Variants in BUD23 observed in about 807,000 individuals in gnomAD.
The protein encoded by BUD23 is 18S rRNA (guanine-N(7))-methyltransferase.
A neutral mutation model predicts 47.0 loss-of-function variants in BUD23; 34 were observed. The observed-to-expected ratio is 0.72, with a 90% CI of 0.55 to 0.96. The LOEUF is 0.96. Among genes scored for constraint, BUD23 ranks in the 40% least tolerant of loss-of-function variants. BUD23 has a pLI of 0.00. For synonymous variants in BUD23, 124 were observed against 132.0 expected, an observed-to-expected ratio of 0.94 and a Z score of 0.41; for missense variants, 343 against 361.2, an observed-to-expected ratio of 0.95 and a Z score of 0.41.
At chr7:73,683,921 C>T (rs781958747) in intron 2 of BUD23, 117 bp downstream of exon 2, 1 of 1,592,622 alleles carries the variant, frequency 6.3e-7, no homozygotes, top group Admixed American at 1.8e-5. Flanking sequence ...GGGAAGGACC[C>T]GGGTGGGTGC....
At chr7:73,697,451 G>C in intron 10 of BUD23, 154 bp from the exon 11 acceptor site, 1 of 1,540,380 alleles carries the variant, frequency 6.5e-7, no homozygotes, top group Non-Finnish European at 8.7e-7. Flanking sequence ...TCCAGAGCGG[G>C]GAATTGTGTT....
intron 10 of BUD23, chr7:73,696,843 C>G (rs554932751): frequency 8.1e-4 from 125 of 154,460 alleles, no homozygotes; most frequent in African/African-American, 2.7e-3. Flanking sequence ...GGGACCTGTG[C>G]TTTGGGGCAC....
chr7:73,691,028 T>G lies in BUD23; in HGVS notation c.459+16T>G, dbSNP rs782092553. On this transcript the variant is annotated intron_variant, in intron 6 of 11. Coordinates refer to ENST00000265758, the MANE Select transcript of BUD23 (RefSeq NM_017528.5). ...TTCTGTTCTCGTGAGTATAAGATCTTCTCCCCATCTGGGTTAGCTGCCTGT... is the reference window on the plus strand; with the variant it reads ...TTCTGTTCTCGTGAGTATAAGATCTGCTCCCCATCTGGGTTAGCTGCCTGT... 8 of 1,611,242 alleles carry G rather than the reference T, an allele frequency of 5.0e-6. 1 individual carries two copies. The Admixed American group carries it at 1.3e-4, about 27-fold the overall frequency.
Position 73,693,982 on chromosome 7 carries a change from G to T in BUD23, c.643-10G>T. On this transcript the variant is annotated splice_polypyrimidine_tract_variant and intron_variant, in intron 9 of 11. Transcript: ENST00000265758. ...TCCAGGGTGACCTGAGTGCACTTTG[G>T]TTCCTGCAGGGGCTGAGTGAAAATC... 1.2e-6 allele frequency: 2 copies of T among 1,611,914 alleles called. No individual in the cohort carries two copies. Among genetic ancestry groups the T allele is most frequent in the Non-Finnish European group, 1.7e-6 (2 of 1,179,468 alleles).
At chr7:73,694,165 C>A in intron 10 of BUD23, 115 bp downstream of exon 10, 1 of 1,107,610 alleles carries the variant, frequency 9.0e-7, no homozygotes, top group Non-Finnish European at 1.3e-6. Flanking sequence ...GCAGGGACAC[C>A]AAGGTGACGG....
rs782745266 is a variant in BUD23, at chr7:73,697,874, G to A, written c.834G>A (p.Lys278=). ...PDTQYTGRKR[K]PRF is the part of the protein sequence containing the mutation. The stretch of plus-strand genomic sequence containing the variant: ...CCCAGTACACCGGCCGCAAGCGCAA[G>A]CCCCGCTTCTAAGTCACCACGCGGT... Residue 278 remains lysine, a synonymous_variant, in exon 12 of 12, where the codon AAG becomes AAA. Transcript: ENST00000265758. The A allele has an allele frequency of 1.3e-5, 21 of 1,613,928 alleles. No individual in the cohort carries two copies. The South Asian group carries it at 2.2e-4, about 17-fold the overall frequency.
Position 73,688,476 on chromosome 7 carries a change from C to A in BUD23, c.362+1381C>A, listed in dbSNP as rs373668818. On this transcript the variant is annotated intron_variant, in intron 5 of 11. Coordinates refer to ENST00000265758, the MANE Select transcript of BUD23 (RefSeq NM_017528.5). ...GAGGAGGTGGTCTTTTAGTCTCTAG[C>A]GGCCATTTTATGGGCCCCAGCCATC... Among the ~76,000 whole-genome samples the A allele has an allele frequency of 1.6e-4, 25 of 152,312 alleles. No individual in the cohort carries two copies. The East Asian group carries it at 2.9e-3, about 18-fold the overall frequency.
intron 6 of BUD23, among the ~76,000 whole-genome samples, chr7:73,692,392 A>T (rs1377600914): frequency 1.3e-5 from 2 of 152,236 alleles, no homozygotes; most frequent in African/African-American, 4.8e-5. Context: ...AAAATTTGCT[A>T]CTGTGAATTA....
At chr7:73,696,621 G>A (rs1798412007) in intron 10 of BUD23, 1 of 152,226 alleles carries the variant, frequency 6.6e-6, no homozygotes. Flanking sequence ...TACAGGGCAG[G>A]GAGGAGCTTC....
chr7:73,687,221 CT>C, intron 5 of BUD23, 126 bp downstream of exon 5: 1 of 956,046 alleles, frequency 1.0e-6, no homozygotes, highest in Non-Finnish European at 1.6e-6. Context: ...TTCAGGTGAT[CT>C]GCCCACCTCA....
At position 73,692,654 on chromosome 7, in the gene BUD23, C is replaced by T; in HGVS notation, c.510+8C>T. The stretch of plus-strand genomic sequence containing the variant: ...CCTGAGAACTCAGAGCAGGTGAGTC[C>T]CTCGGCTACTGGGTGTGCCGGGGAG... On this transcript the variant is annotated splice_region_variant and intron_variant, in intron 7 of 11. Coordinates refer to ENST00000265758, the MANE Select transcript of BUD23 (RefSeq NM_017528.5). 1 of 1,612,492 alleles carries T rather than the reference C, an allele frequency of 6.2e-7. No individual in the cohort carries two copies.
Position 73,686,682 on chromosome 7 carries a change from G to A in BUD23, c.133G>A (p.Glu45Lys). ...IQTRMAGRAL[E>K]LLYLPENKPC... ...GACCAGGATGGCTGGGCGAGCATTG[G>A]AGCTTCTTTATCTGCCAGAGAATAA... Residue 45 changes from glutamate (E) to lysine (K), a missense_variant, in exon 3 of 12, where the codon GAG becomes AAG. Transcript: ENST00000265758. The A allele has an allele frequency of 6.2e-7, 1 of 1,614,180 alleles. No homozygotes were observed. The highest frequency in any genetic ancestry group is 8.5e-7 in the Non-Finnish European group (1 of 1,180,042).
chr7:73,696,196 C>CA lies in BUD23; in HGVS notation c.702-1408dup, dbSNP rs1250319126. Reference sequence around the variant, plus strand: ...AGGCCCACAGCTGGGCACAGCCATGCATGTTCCTCACGTCCACCATAGGTT... The same window carrying CA: ...AGGCCCACAGCTGGGCACAGCCATGCAATGTTCCTCACGTCCACCATAGGTT... On this transcript the variant is annotated intron_variant, in intron 10 of 11. Transcript: ENST00000265758. 4 of 152,254 alleles carry CA rather than the reference C, an allele frequency of 2.6e-5. No individual in the cohort carries two copies. In the South Asian group the frequency reaches 6.2e-4, roughly 24 times the overall value. 9.4% of individuals were successfully genotyped at this position (152,254 alleles called of 1,614,324 possible). A position where few individuals can be genotyped will look rare whatever the true frequency, so the allele number is the denominator to read the frequency against.
intron 7 of BUD23, 21 bp downstream of exon 7, chr7:73,692,667 G>T (rs782600195): frequency 6.2e-7 from 1 of 1,609,954 alleles, no homozygotes; most frequent in South Asian, 1.1e-5. Flanking sequence ...CGGCTACTGG[G>T]TGTGCCGGGG....
At chr7:73,689,552 G>C (rs1798108361) in intron 5 of BUD23, among the ~76,000 whole-genome samples, 1 of 152,138 alleles carries the variant, frequency 6.6e-6, no homozygotes. Flanking sequence ...GGAAAGCCTT[G>C]GGTGGAGGGG....
At position 73,694,016 on chromosome 7, in the gene BUD23, G is replaced by T. The variant is rs1554614491; in HGVS notation, c.667G>T (p.Val223Phe). ...GGGGCTGAGTGAAAATCAGGATGAA[G>T]TTGAACCCAGGGAGTCTGTGTTCAC... ...PEGLSENQDE[V>F]EPRESVFTNE... Residue 223 changes from valine (V) to phenylalanine (F), a missense_variant, in exon 10 of 12, where the codon GTT becomes TTT. By Grantham distance (50) the Val-to-Phe change is conservative. Coordinates refer to ENST00000265758, the MANE Select transcript of BUD23 (RefSeq NM_017528.5). The T allele has an allele frequency of 1.9e-6, 3 of 1,612,602 alleles. No homozygotes were observed. The highest frequency in any genetic ancestry group is 1.3e-5 in the African/African-American group (1 of 74,790).
In BUD23 at chr7:73,686,691, T is replaced by C. The variant is rs372615879; in HGVS notation, c.142T>C (p.Tyr48His). 1 of 1,614,070 alleles carries C rather than the reference T, an allele frequency of 6.2e-7. No homozygotes were observed. The highest frequency in any genetic ancestry group is 8.5e-7 in the Non-Finnish European group (1 of 1,180,036). Residue 48 changes from tyrosine (Y) to histidine (H), a missense_variant, in exon 3 of 12, where the codon TAT becomes CAT. Physicochemically the swap from Tyr to His is moderately conservative, Grantham distance 83. Transcript: ENST00000265758. ...RMAGRALELL[Y>H]LPENKPCYLL... ...GGCTGGGCGAGCATTGGAGCTTCTT[T>C]ATCTGCCAGAGAATAAGCCCTGTTA...
intron 5 of BUD23, 105 bp downstream of exon 5, chr7:73,687,200 C>T (rs1361927676): frequency 4.9e-6 from 6 of 1,220,428 alleles, no homozygotes; most frequent in Non-Finnish European, 6.9e-6. Context: ...CTGCAGCCTC[C>T]ACCTCCTGGG....
At chr7:73,697,421 T>G in intron 10 of BUD23, 184 bp from the exon 11 acceptor site, 1 of 1,535,440 alleles carries the variant, frequency 6.5e-7, no homozygotes, top group Non-Finnish European at 8.7e-7. Context: ...CCCGGATGGA[T>G]GTTATCAGGA....
Sources: gnomAD v4.1 joint callset for allele counts (sites outside exome capture counted in the v4.1 genomes callset) on GRCh38, gnomAD v4.1.1 for gene constraint, MANE v1.5 for transcripts, NCBI Gene and HGNC (gene_info 2026-07-23, HGNC 2026-07-21) for gene names.